Variants in APBB2 observed in about 807,000 individuals in gnomAD.
The protein encoded by APBB2 is amyloid beta precursor protein binding family B member 2.
A neutral mutation model predicts 82.5 loss-of-function variants in APBB2; 38 were observed. The observed-to-expected ratio is 0.46, with a 90% CI of 0.36 to 0.60. The LOEUF is 0.60. Among genes scored for constraint, APBB2 ranks in the 20% least tolerant of loss-of-function variants. The probability of loss-of-function intolerance (pLI) is 0.00; values close to 1 mark genes in which losing one functional copy is unlikely to be tolerated. For missense variants in APBB2, 772 were observed against 972.3 expected (o/e 0.79, Z 2.74); for synonymous variants, 341 against 368.2 (o/e 0.93, Z 0.85).
At chr4:40,962,370 GTT>G (rs1793516373) in intron 6 of APBB2, among the ~76,000 whole-genome samples, 1 of 152,230 alleles carries the variant, frequency 6.6e-6, no homozygotes, top group African/African-American at 2.4e-5. Flanking sequence ...CATGCTCAAA[GTT>G]TAGAAGGACA....
At chr4:40,842,244 A>G (rs1385404008) in intron 12 of APBB2, 2 of 364,306 alleles carry the variant, frequency 5.5e-6, no homozygotes, top group South Asian at 2.0e-5. Flanking sequence ...AAACAAAACA[A>G]AAGTTCTGCC....
chr4:40,879,249 C>A (rs1193885882), intron 12 of APBB2, among the ~76,000 whole-genome samples: 1 of 147,816 alleles, frequency 6.8e-6, no homozygotes, highest in Non-Finnish European at 1.5e-5. Flanking sequence ...CATGGACTCA[C>A]AGAAGCAGGA....
intron 1 of APBB2, among the ~76,000 whole-genome samples, chr4:41,197,590 C>T: frequency 6.6e-6 from 1 of 152,292 alleles, no homozygotes; most frequent in African/African-American, 2.4e-5. Flanking sequence ...ACTCTTGTAG[C>T]ACTGTGACTG....
intron 6 of APBB2, among the ~76,000 whole-genome samples, chr4:40,946,953 C>T (rs1788623700): frequency 6.6e-6 from 1 of 152,172 alleles, no homozygotes; most frequent in Non-Finnish European, 1.5e-5. Context: ...AGTCACTTTC[C>T]TCATTTAAAT....
chr4:41,170,272 G>A (rs1767893266), intron 1 of APBB2, among the ~76,000 whole-genome samples: 1 of 152,036 alleles, frequency 6.6e-6, no homozygotes, highest in African/African-American at 2.4e-5. Context: ...GCATATCCTA[G>A]GCCATCCGGA....
chr4:41,178,329 C>G (rs1450663052), intron 1 of APBB2, among the ~76,000 whole-genome samples: 1 of 152,214 alleles, frequency 6.6e-6, no homozygotes, highest in Non-Finnish European at 1.5e-5. Context: ...GTTTAAGTCA[C>G]TCCTACTAAG....
At chr4:41,124,959 G>T (rs1320697519) in intron 2 of APBB2, among the ~76,000 whole-genome samples, 1 of 152,162 alleles carries the variant, frequency 6.6e-6, no homozygotes, top group Non-Finnish European at 1.5e-5. Flanking sequence ...AGAAAAGGGT[G>T]GCTTCCCAAG....
At chr4:41,204,675 T>G (rs543668056) in intron 1 of APBB2, among the ~76,000 whole-genome samples, 1 of 152,284 alleles carries the variant, frequency 6.6e-6, no homozygotes, top group Non-Finnish European at 1.5e-5. Flanking sequence ...TCCGAGCAGG[T>G]AGAGGCAGTG....
At chr4:40,929,314 T>C (rs1405236300) in intron 10 of APBB2, among the ~76,000 whole-genome samples, 1 of 152,128 alleles carries the variant, frequency 6.6e-6, no homozygotes, top group African/African-American at 2.4e-5. Context: ...AAATTATTTA[T>C]TTATTTATTT....
chr4:41,082,397 A>G (rs1737967596), intron 3 of APBB2, among the ~76,000 whole-genome samples: 1 of 152,154 alleles, frequency 6.6e-6, no homozygotes, highest in African/African-American at 2.4e-5. Context: ...AGCTCTTGGA[A>G]CCTATGGAAC....
At chr4:40,849,111 T>C (rs1349726563) in intron 12 of APBB2, among the ~76,000 whole-genome samples, 1 of 152,226 alleles carries the variant, frequency 6.6e-6, no homozygotes, top group African/African-American at 2.4e-5. Flanking sequence ...AAGGGAATGA[T>C]GCCACAAACA....
At chr4:41,193,503 C>T in intron 1 of APBB2, 1 of 940,388 alleles carries the variant, frequency 1.1e-6, no homozygotes, top group African/African-American at 1.8e-5. Flanking sequence ...TCAGTCCTAC[C>T]CCTAGACCAT....
chr4:40,871,403 C>T (rs1217912552), intron 12 of APBB2, among the ~76,000 whole-genome samples: 3 of 152,208 alleles, frequency 2.0e-5, no homozygotes, highest in African/African-American at 7.2e-5. Context: ...CCTTGGCCTC[C>T]CAAAGTGCTG....
chr4:40,890,155 A>T lies in APBB2; in HGVS notation c.1529+209T>A, dbSNP rs111504350. Among the ~76,000 whole-genome samples, 712 of 152,374 alleles carry T rather than the reference A, an allele frequency of 4.7e-3. 3 individuals carry two copies. The highest frequency in any genetic ancestry group is 7.3e-3 in the Admixed American group (111 of 15,302). On this transcript the variant is annotated intron_variant, in intron 12 of 17. Coordinates refer to ENST00000508593, the MANE Select transcript of APBB2 (RefSeq NM_004307.2). Reference sequence around the variant, plus strand: ...AGGCAGGATCAGGATCAGAGTTGACAAAAGATTTGAGATACAGAAACCAGG... The same window carrying T: ...AGGCAGGATCAGGATCAGAGTTGACTAAAGATTTGAGATACAGAAACCAGG...
chr4:40,886,340 C>T (rs908047636), intron 12 of APBB2, among the ~76,000 whole-genome samples: 3 of 152,032 alleles, frequency 2.0e-5, no homozygotes, highest in Non-Finnish European at 4.4e-5. Context: ...ATTGGCCGGG[C>T]GTGGTGGCGG....
chr4:41,018,564 G>A lies in APBB2; in HGVS notation c.20-4166C>T, dbSNP rs150611684. 1.7e-3 allele frequency among the ~76,000 whole-genome samples: 260 copies of A among 152,268 alleles called. 1 individual carries two copies. The highest frequency in any genetic ancestry group is 6.1e-3 in the African/African-American group (252 of 41,554). ...TGAGGCAACAGCAGGAGGAATGAAT[G>A]GAAGGTTGATGTGTATATTCTGAGT... On this transcript the variant is annotated intron_variant, in intron 5 of 17. Transcript: ENST00000508593.
intron 1 of APBB2, among the ~76,000 whole-genome samples, chr4:41,196,608 T>C: frequency 1.7e-5 from 2 of 118,134 alleles, no homozygotes; most frequent in Non-Finnish European, 4.1e-5. Flanking sequence ...GCTTTTTTTT[T>C]TTTTTTTTTT....
intron 1 of APBB2, among the ~76,000 whole-genome samples, chr4:41,152,892 T>C (rs1273675203): frequency 6.6e-6 from 1 of 152,222 alleles, no homozygotes; most frequent in Non-Finnish European, 1.5e-5. Context: ...CAAGACTTAG[T>C]CTCTAACCAC....
intron 1 of APBB2, among the ~76,000 whole-genome samples, chr4:41,201,897 C>G (rs17660729): frequency 0.12 from 17,637 of 152,224 alleles, 1,278 homozygotes; most frequent in South Asian, 0.18. Context: ...ACCCAATTCA[C>G]AATTTGAAAC....
Sources: allele counts gnomAD v4.1 joint callset (sites outside exome capture counted in the v4.1 genomes callset), GRCh38; gene constraint gnomAD v4.1.1; transcripts MANE v1.5; gene names NCBI Gene and HGNC (gene_info 2026-07-23, HGNC 2026-07-21).